Variants in GPC5 observed in about 807,000 individuals in gnomAD.
The protein encoded by GPC5 is glypican-5.
A neutral mutation model predicts 53.9 loss-of-function variants in GPC5; 47 were observed. That is an observed-to-expected ratio of 0.87 (90% CI 0.69 to 1.11). The LOEUF (loss-of-function observed/expected upper bound fraction) is 1.11, where lower values mean the gene tolerates loss of function less well. Among genes scored for constraint, GPC5 ranks in the 50% most tolerant of loss-of-function variants. The probability of loss-of-function intolerance (pLI) is 0.00; values close to 1 mark genes in which losing one functional copy is unlikely to be tolerated. For missense variants in GPC5, 748 were observed against 713.1 expected (o/e 1.05, Z -0.56); for synonymous variants, 286 against 263.3 (o/e 1.09, Z -0.84).
chr13:91,785,184 T>A (rs1427155020), intron 5 of GPC5, among the ~76,000 whole-genome samples: 4 of 152,190 alleles, frequency 2.6e-5, no homozygotes, highest in Non-Finnish European at 5.9e-5. Context: ...TTTGTTCTGT[T>A]CTCTTCTCTT....
chr13:91,651,745 GATAAATGTTCT>G (rs1415172506), intron 2 of GPC5, among the ~76,000 whole-genome samples: 1 of 150,032 alleles, frequency 6.7e-6, no homozygotes, highest in African/African-American at 2.5e-5. Context: ...GATTTATAAA[GATAAATGTTCT>G]ATATTAATTA....
chr13:91,722,493 C>G (rs1594479943), intron 3 of GPC5, among the ~76,000 whole-genome samples: 1 of 152,170 alleles, frequency 6.6e-6, no homozygotes, highest in East Asian at 1.9e-4. Context: ...GAAGCGCCCT[C>G]TGGTGGTTTA....
At chr13:92,083,535 G>A (rs779667116) in intron 6 of GPC5, among the ~76,000 whole-genome samples, 4 of 152,094 alleles carry the variant, frequency 2.6e-5, no homozygotes, top group Admixed American at 6.6e-5. Context: ...TAACAAACCT[G>A]CACATTGTGC....
At chr13:92,151,797 A>G (rs1245504842) in intron 7 of GPC5, among the ~76,000 whole-genome samples, 1 of 152,220 alleles carries the variant, frequency 6.6e-6, no homozygotes, top group Non-Finnish European at 1.5e-5. Flanking sequence ...ATCACATTAT[A>G]TGCCAAGAGA....
chr13:91,701,609 T>C (rs189877980), intron 3 of GPC5, among the ~76,000 whole-genome samples: 2 of 151,904 alleles, frequency 1.3e-5, no homozygotes. Flanking sequence ...TCTTATTCCA[T>C]AGGTTCTCTC....
At chr13:92,138,711 C>A (rs998365848) in intron 6 of GPC5, among the ~76,000 whole-genome samples, 1 of 151,910 alleles carries the variant, frequency 6.6e-6, no homozygotes, top group African/African-American at 2.4e-5. Flanking sequence ...TTCTTGAAAG[C>A]GATTTAAGAG....
At chr13:92,214,413 A>G (rs1219790653) in intron 7 of GPC5, among the ~76,000 whole-genome samples, 2 of 152,188 alleles carry the variant, frequency 1.3e-5, no homozygotes, top group African/African-American at 4.8e-5. Flanking sequence ...TTTGTTAAAA[A>G]GCCAATTTCA....
intron 7 of GPC5, among the ~76,000 whole-genome samples, chr13:92,227,278 C>A (rs118101392): frequency 0.037 from 5,680 of 152,246 alleles, 166 homozygotes; most frequent in Middle Eastern, 0.099. Context: ...TTACCAGTGA[C>A]CTGCAGCCAG....
At chr13:92,418,919 C>T (rs567658057) in intron 7 of GPC5, among the ~76,000 whole-genome samples, 7 of 152,280 alleles carry the variant, frequency 4.6e-5, no homozygotes, top group Non-Finnish European at 1.0e-4. Flanking sequence ...AGGAAAATAT[C>T]AACCCACCTT....
intron 7 of GPC5, among the ~76,000 whole-genome samples, chr13:92,674,862 A>G (rs1278526236): frequency 6.6e-6 from 1 of 151,482 alleles, no homozygotes; most frequent in Non-Finnish European, 1.5e-5. Flanking sequence ...CACTTTTGTG[A>G]CACTTCACTA....
At chr13:91,629,224 C>A (rs2034091792) in intron 2 of GPC5, among the ~76,000 whole-genome samples, 1 of 152,138 alleles carries the variant, frequency 6.6e-6, no homozygotes, top group African/African-American at 2.4e-5. Flanking sequence ...GAAGAGAAAA[C>A]TTAGACTTCC....
chr13:92,283,618 T>C (rs2042932431), intron 7 of GPC5, among the ~76,000 whole-genome samples: 2 of 152,210 alleles, frequency 1.3e-5, no homozygotes, highest in African/African-American at 4.8e-5. Flanking sequence ...ACATGGAAAC[T>C]GAACAACCTG....
intron 7 of GPC5, among the ~76,000 whole-genome samples, chr13:92,494,060 TTTTG>T (rs1555338604): frequency 1.4e-4 from 20 of 143,902 alleles, no homozygotes; most frequent in African/African-American, 4.1e-4. Flanking sequence ...TTGTGTTTTT[TTTTG>T]TTTGTTTGTT....
At chr13:92,719,649 T>C (rs925480756) in intron 7 of GPC5, among the ~76,000 whole-genome samples, 4 of 152,170 alleles carry the variant, frequency 2.6e-5, no homozygotes, top group African/African-American at 9.6e-5. Context: ...AGTAAGATAT[T>C]ATAATCCCAA....
At chr13:91,495,851 C>T (rs1195603158) in intron 2 of GPC5, among the ~76,000 whole-genome samples, 3 of 152,010 alleles carry the variant, frequency 2.0e-5, no homozygotes, top group South Asian at 2.1e-4. Context: ...GGTGAAACCC[C>T]GTTTCTACTA....
At chr13:92,234,500 A>G (rs1027022272) in intron 7 of GPC5, among the ~76,000 whole-genome samples, 6 of 152,176 alleles carry the variant, frequency 3.9e-5, no homozygotes, top group Non-Finnish European at 8.8e-5. Context: ...GAAATGGTCA[A>G]AGCAGAAAGC....
chr13:91,751,509 T>G (rs1043546344), intron 4 of GPC5, among the ~76,000 whole-genome samples: 3 of 152,174 alleles, frequency 2.0e-5, no homozygotes, highest in Non-Finnish European at 4.4e-5. Context: ...AGGGCAGCCT[T>G]CCTCTGAAAC....
At chr13:92,526,273 CAG>C (rs1477169218) in intron 7 of GPC5, among the ~76,000 whole-genome samples, 1 of 152,014 alleles carries the variant, frequency 6.6e-6, no homozygotes, top group Non-Finnish European at 1.5e-5. Flanking sequence ...TAAATGTTGA[CAG>C]AAAGGCCAAT....
At chr13:92,445,828 A>G (rs563516689) in intron 7 of GPC5, among the ~76,000 whole-genome samples, 16 of 152,118 alleles carry the variant, frequency 1.1e-4, no homozygotes, top group Non-Finnish European at 1.9e-4. Flanking sequence ...CCCAGGCTAG[A>G]GTCCAATGCC....
Sources: gnomAD v4.1 joint callset for allele counts (sites outside exome capture counted in the v4.1 genomes callset) on GRCh38, gnomAD v4.1.1 for gene constraint, MANE v1.5 for transcripts, NCBI Gene and HGNC (gene_info 2026-07-23, HGNC 2026-07-21) for gene names.